POLR3A: variants seen among roughly 807,000 people sequenced by gnomAD.
POLR3A encodes the protein DNA-directed RNA polymerase III subunit RPC1.
In POLR3A, 112 loss-of-function variants were observed where a neutral mutation model predicts 152.8. The ratio of observed to expected loss-of-function variants is 0.73; its 90% CI spans 0.63 to 0.86. POLR3A has a LOEUF of 0.86. POLR3A is among the 40% of genes least tolerant of loss of function. POLR3A has a pLI of 0.00. For synonymous variants in POLR3A, 615 were observed against 652.1 expected, an observed-to-expected ratio of 0.94 and a Z score of 0.87; for missense variants, 1,385 against 1,743.1, an observed-to-expected ratio of 0.79 and a Z score of 3.66.
At chr10:77,985,596 G>A (rs1337457985) in intron 23 of POLR3A, among the ~76,000 whole-genome samples, 3 of 152,246 alleles carry the variant, frequency 2.0e-5, no homozygotes, top group African/African-American at 7.2e-5. Context: ...TGTAATGGAT[G>A]CAGAAAATCT....
chr10:78,007,976 G>T, intron 14 of POLR3A, 110 bp from the exon 15 acceptor site: 1 of 317,186 alleles, frequency 3.2e-6, no homozygotes, highest in Non-Finnish European at 5.1e-6. Context: ...ACTTAAAGCA[G>T]AACAAACAGA....
At chr10:78,015,219 TGG>T (rs1847507203) in intron 10 of POLR3A, among the ~76,000 whole-genome samples, 1 of 152,048 alleles carries the variant, frequency 6.6e-6, no homozygotes, top group African/African-American at 2.4e-5. Context: ...CGAAGAAAAA[TGG>T]GAAAGATAAA....
chr10:77,984,852 G>C (rs371915625), intron 24 of POLR3A, among the ~76,000 whole-genome samples: 6 of 152,272 alleles, frequency 3.9e-5, no homozygotes, highest in African/African-American at 1.2e-4. Context: ...TAGTTAGGCT[G>C]GAATAATGAC....
chr10:78,010,509 C>T lies in POLR3A; in HGVS notation c.1604G>A (p.Gly535Glu). Residue 535 changes from glycine (G) to glutamate (E), a missense_variant, in exon 12 of 31, where the codon GGG (glycine) becomes GAG (glutamate). Coordinates refer to ENST00000372371, the MANE Select transcript of POLR3A (RefSeq NM_007055.4). ...TKANLVTPRN[G>E]EPLIAAIQDF... ...CTGAATAGCAGCAATCAGCGGTTCCCCATTCCTCGGGGTTACAAGATTTGC... is the reference window on the plus strand; with the variant it reads ...CTGAATAGCAGCAATCAGCGGTTCCTCATTCCTCGGGGTTACAAGATTTGC... 6.2e-7 allele frequency: 1 copy of T among 1,614,098 alleles called. No homozygotes were observed.
chr10:77,999,299 A>G (rs1847332369), intron 19 of POLR3A, among the ~76,000 whole-genome samples: 1 of 152,200 alleles, frequency 6.6e-6, no homozygotes, highest in Admixed American at 6.5e-5. Flanking sequence ...AAAGTATAAT[A>G]ATAATAAAAT....
At chr10:77,996,265 A>G (rs904049741) in intron 19 of POLR3A, among the ~76,000 whole-genome samples, 6 of 152,212 alleles carry the variant, frequency 3.9e-5, no homozygotes, top group African/African-American at 1.4e-4. Flanking sequence ...GAGAAGCAAG[A>G]GCAAACACAT....
chr10:77,986,147 AT>A lies in POLR3A; in HGVS notation c.2913del (p.Lys971AsnfsTer41). On this transcript the variant is annotated frameshift_variant, in exon 22 of 31. Transcript: ENST00000372371. LOFTEE classifies it high-confidence loss of function. ...ATCTTCTCAGAGACCCCCTTAATGA[AT>A]TTTTTTATTTCCTGAAAGATTACAC... ...CQDSFLQEIK[K>X]FIKGVSEKIK... The A allele has an allele frequency of 8.5e-6, 13 of 1,522,128 alleles. No homozygotes were observed. Among genetic ancestry groups the A allele is most frequent in the Non-Finnish European group, 1.2e-5 (13 of 1,096,456 alleles). 94.3% of individuals were successfully genotyped at this position (1,522,128 alleles called of 1,614,324 possible).
At position 77,981,460 on chromosome 10, in the gene POLR3A, C is replaced by T. The variant is rs745645415; in HGVS notation, c.3859G>A (p.Val1287Met). The T allele has an allele frequency of 1.1e-5, 17 of 1,613,958 alleles. No individual in the cohort carries two copies. The highest frequency in any genetic ancestry group is 3.3e-5 in the Admixed American group (2 of 60,004). ...NHGMSIDRRH[V>M]MLLSDLMTYK... ...GTCATGAGGTCGGAGAGCAGCATCA[C>T]GTGCCTCCTGTCGATGCTCATGCCG... The change falls in exon 29 of 31, where the codon GTG becomes ATG. Residue 1287 changes from valine to methionine, a missense_variant. This residue lies in a region of POLR3A where 332 missense variants were observed against 400.1 expected (regional missense o/e 0.83). Coordinates refer to ENST00000372371, the MANE Select transcript of POLR3A (RefSeq NM_007055.4).
In POLR3A at chr10:77,982,664, C is replaced by T; in HGVS notation, c.3583G>A (p.Asp1195Asn). Residue 1195 changes from aspartate to asparagine, a missense_variant, in exon 27 of 31, where the codon GAT (aspartate) becomes AAT (asparagine). By Grantham distance (23) the Asp-to-Asn change is conservative. This residue lies in a region of POLR3A where 332 missense variants were observed against 400.1 expected (regional missense o/e 0.83). Coordinates refer to ENST00000372371, the MANE Select transcript of POLR3A (RefSeq NM_007055.4). ...GACTTCTGTTTCACCTTGGGGAGATCCTCTTTCAGGAACTGCAGCACGTAG... is the reference window on the plus strand; with the variant it reads ...GACTTCTGTTTCACCTTGGGGAGATTCTCTTTCAGGAACTGCAGCACGTAG... ...MYYVLQFLKE[D>N]LPKVVVQGIP... 1 of 1,613,068 alleles carries T rather than the reference C, an allele frequency of 6.2e-7. No homozygotes were observed. The highest frequency in any genetic ancestry group is 2.2e-5 in the East Asian group (1 of 44,872).
chr10:78,005,005 T>C (rs1286919555), intron 15 of POLR3A, 117 bp from the exon 16 acceptor site: 50 of 800,620 alleles, frequency 6.2e-5, no homozygotes, highest in Non-Finnish European at 9.3e-5. Flanking sequence ...GTATGTATAG[T>C]TTAAAGTATA....
chr10:78,026,212 C>T lies in POLR3A; in HGVS notation c.62G>A (p.Gly21Glu), dbSNP rs1402924946. 1 of 1,614,052 alleles carries T rather than the reference C, an allele frequency of 6.2e-7. No homozygotes were observed. Among genetic ancestry groups the T allele is most frequent in the African/African-American group, 1.3e-5 (1 of 74,926 alleles). The change falls in exon 2 of 31, where the codon GGA becomes GAA. Residue 21 changes from glycine to glutamate, a missense_variant. Physicochemically the swap from Gly to Glu is moderately conservative, Grantham distance 98 (BLOSUM62 -2). Coordinates refer to ENST00000372371, the MANE Select transcript of POLR3A (RefSeq NM_007055.4). ...GCGCATCTCCTCAGGTGACTTCATT[C>T]CAAAACAGATGTGGCTTCTGGAATG... Reference protein sequence around the residue: ...VAKKISHICFGMKSPEEMRQQ... With the variant: ...VAKKISHICFEMKSPEEMRQQ...
intron 11 of POLR3A, 41 bp downstream of exon 11, chr10:78,013,609 G>A (rs773179762): frequency 3.7e-6 from 6 of 1,606,450 alleles, no homozygotes; most frequent in Non-Finnish European, 5.1e-6. Flanking sequence ...CTCCTTTCAA[G>A]GAGCTGTTAT....
chr10:77,990,576 G>C (rs181763561), intron 21 of POLR3A, among the ~76,000 whole-genome samples: 1 of 151,952 alleles, frequency 6.6e-6, no homozygotes, highest in Admixed American at 6.5e-5. Context: ...CTTGTTGGCT[G>C]GTGAGATTTT....
chr10:77,992,137 T>C (rs1847255228), intron 20 of POLR3A, among the ~76,000 whole-genome samples: 1 of 152,212 alleles, frequency 6.6e-6, no homozygotes, highest in Admixed American at 6.5e-5. Flanking sequence ...GTGCCTGCTT[T>C]TCAATGCCCA....
At position 77,986,092 on chromosome 10, in the gene POLR3A, T is replaced by C. The variant is rs962962018; in HGVS notation, c.2969A>G (p.Asn990Ser). ...TATTACCTCTGTTGTGCCGTTATCA[T>C]TGATGCCATATTTATCTCTGGTTTT... ...IKKTRDKYGINDNGTTEPRVL... is the reference protein window; with the variant it reads ...IKKTRDKYGISDNGTTEPRVL... Residue 990 changes from asparagine (N) to serine (S), a missense_variant, in exon 22 of 31, where the codon AAT becomes AGT. This residue lies in a region of POLR3A where 178 missense variants were observed against 204.6 expected (regional missense o/e 0.87). Coordinates refer to ENST00000372371, the MANE Select transcript of POLR3A (RefSeq NM_007055.4). 5 of 1,601,526 alleles carry C rather than the reference T, an allele frequency of 3.1e-6. No homozygotes were observed. Among genetic ancestry groups the C allele is most frequent in the Non-Finnish European group, 4.3e-6 (5 of 1,168,640 alleles).
chr10:78,016,368 C>T (rs976031834), intron 10 of POLR3A, among the ~76,000 whole-genome samples: 2 of 145,828 alleles, frequency 1.4e-5, no homozygotes, highest in Non-Finnish European at 3.0e-5. Context: ...CAGGAGATTG[C>T]GACCCATCTG....
At position 78,013,791 on chromosome 10, in the gene POLR3A, C is replaced by T; in HGVS notation, c.1432-1G>A. 3 of 1,614,146 alleles carry T rather than the reference C, an allele frequency of 1.9e-6. No individual in the cohort carries two copies. Among genetic ancestry groups the T allele is most frequent in the South Asian group, 2.2e-5 (2 of 91,078 alleles). ...AGGTCCGGTGGGGCTTGACCCTGGC[C>T]TGTGGAACACAAAACAAAACAAAAC... On this transcript the variant is annotated splice_acceptor_variant, in intron 10 of 30. Coordinates refer to ENST00000372371, the MANE Select transcript of POLR3A (RefSeq NM_007055.4). LOFTEE classifies it high-confidence loss of function.
At chr10:77,991,584 G>A (rs1472500138) in intron 20 of POLR3A, among the ~76,000 whole-genome samples, 6 of 152,066 alleles carry the variant, frequency 3.9e-5, no homozygotes, top group Non-Finnish European at 8.8e-5. Context: ...GTGCAATGGC[G>A]CCATCTCGGC....
At chr10:78,026,500 C>T (rs147032447) in intron 1 of POLR3A, among the ~76,000 whole-genome samples, 2 of 152,342 alleles carry the variant, frequency 1.3e-5, no homozygotes, top group African/African-American at 4.8e-5. Flanking sequence ...ATAAGAACTT[C>T]CTCATTTTAC....
Sources: gnomAD v4.1 joint callset for allele counts (sites outside exome capture counted in the v4.1 genomes callset) on GRCh38, gnomAD v4.1.1 for gene constraint, gnomAD v4.1.1 regional missense constraint, MANE v1.5 for transcripts, NCBI Gene and HGNC (gene_info 2026-07-23, HGNC 2026-07-21) for gene names.